The following ZNF16 variants were observed in gnomAD, a reference collection of about 807,000 sequenced individuals.
ZNF16 encodes the protein zinc finger protein KOX9.
A neutral mutation model predicts 9.0 loss-of-function variants in ZNF16; 7 were observed. That is an observed-to-expected ratio of 0.78 (90% CI 0.44 to 1.47). The LOEUF (loss-of-function observed/expected upper bound fraction) is 1.47, where lower values mean the gene tolerates loss of function less well. Ranked by LOEUF, ZNF16 falls within the 40% of genes most tolerant of loss-of-function variation. The probability of loss-of-function intolerance (pLI) is 0.01; values close to 1 mark genes in which losing one functional copy is unlikely to be tolerated. For synonymous variants in ZNF16, 312 were observed against 301.5 expected (o/e 1.03, Z -0.36); for missense variants, 830 against 854.2 (o/e 0.97, Z 0.35).
In ZNF16 at chr8:144,931,971, T is replaced by C. The variant is rs1472665087; in HGVS notation, c.816A>G (p.Lys272=). The change falls in exon 3 of 3, where the codon AAA becomes AAG. Residue 272 remains lysine, a synonymous_variant. Transcript: ENST00000394909. ...EKAYQCSECG[K]AFRGHSDFSR... Reference sequence around the variant, plus strand: ...AAAAGTCTGAGTGCCCTCGGAAGGCTTTCCCACATTCGCTGCACTGGTAAG... The same window carrying C: ...AAAAGTCTGAGTGCCCTCGGAAGGCCTTCCCACATTCGCTGCACTGGTAAG... 3 of 1,613,776 alleles carry C rather than the reference T, an allele frequency of 1.9e-6. No individual in the cohort carries two copies. The highest frequency in any genetic ancestry group is 2.5e-6 in the Non-Finnish European group (3 of 1,179,708).
At chr8:144,950,715 G>A (rs1164643034) in intron 1 of ZNF16, 82 bp downstream of exon 1, 4 of 151,868 alleles carry the variant, frequency 2.6e-5, no homozygotes, top group Non-Finnish European at 5.9e-5. Flanking sequence ...TGAGCCCTGA[G>A]AGGCCCCTGG....
In ZNF16 at chr8:144,931,238, A is replaced by T. The variant is rs754202727; in HGVS notation, c.1549T>A (p.Tyr517Asn). The part of the protein sequence containing the change: ...HQGVHTGDKP[Y>N]ACHECGKTFG... Reference sequence around the variant, plus strand: ...GTCTTCCCACACTCGTGGCAGGCGTAGGGCTTGTCGCCTGTGTGCACGCCC... The same window carrying T: ...GTCTTCCCACACTCGTGGCAGGCGTTGGGCTTGTCGCCTGTGTGCACGCCC... Residue 517 changes from tyrosine to asparagine, a missense_variant, in exon 3 of 3, where the codon TAC (tyrosine) becomes AAC (asparagine). By Grantham distance (143) the Tyr-to-Asn change is moderately radical. Coordinates refer to ENST00000394909, the MANE Select transcript of ZNF16 (RefSeq NM_006958.3). The T allele has an allele frequency of 6.2e-7, 1 of 1,613,612 alleles. No individual in the cohort carries two copies. Among genetic ancestry groups the T allele is most frequent in the Non-Finnish European group, 8.5e-7 (1 of 1,179,954 alleles).
chr8:144,931,457 G>A lies in ZNF16; in HGVS notation c.1330C>T (p.Gln444Ter). 4 of 1,614,110 alleles carry A rather than the reference G, an allele frequency of 2.5e-6. No individual in the cohort carries two copies. The highest frequency in any genetic ancestry group is 3.4e-6 in the Non-Finnish European group (4 of 1,180,014). Residue 444 changes from glutamine to a stop codon, truncating the protein, a stop_gained, in exon 3 of 3, where the codon CAG (glutamine) becomes TAG (stop). Coordinates refer to ENST00000394909, the MANE Select transcript of ZNF16 (RefSeq NM_006958.3). LOFTEE classifies it low-confidence loss of function (END_TRUNC). ...KCSDCGKAFS[Q>*]SSSLIQHRRI... is the part of the protein sequence containing the mutation. ...CGATGCTGAATAAGGCTGGAGCTCTGACTAAATGCTTTCCCACAGTCACTG... is the reference window on the plus strand; with the variant it reads ...CGATGCTGAATAAGGCTGGAGCTCTAACTAAATGCTTTCCCACAGTCACTG...
intron 2 of ZNF16, among the ~76,000 whole-genome samples, chr8:144,941,172 G>A (rs548276084): frequency 1.3e-5 from 2 of 152,302 alleles, no homozygotes; most frequent in South Asian, 4.1e-4. Context: ...GTGGAGTACT[G>A]AAGTCTCTAT....
intron 1 of ZNF16, among the ~76,000 whole-genome samples, chr8:144,948,836 C>G (rs147479989): frequency 6.6e-6 from 1 of 152,202 alleles, no homozygotes; most frequent in East Asian, 1.9e-4. Context: ...AGGTCCATAT[C>G]CTAATCCCTG....
rs1262212581 is a variant in ZNF16, at chr8:144,931,277, G to A, written c.1510C>T (p.Leu504Phe). Residue 504 changes from leucine to phenylalanine, a missense_variant, in exon 3 of 3, where the codon CTC becomes TTC. By Grantham distance (22) the Leu-to-Phe change is conservative. Coordinates refer to ENST00000394909, the MANE Select transcript of ZNF16 (RefSeq NM_006958.3). Reference sequence around the variant, plus strand: ...GTGTGCACGCCCTGGTGCTGAATGAGGGCTGAGCTGTGGCTGAAGGCCTTC... The same window carrying A: ...GTGTGCACGCCCTGGTGCTGAATGAAGGCTGAGCTGTGGCTGAAGGCCTTC... The part of the protein sequence containing the change: ...CGKAFSHSSA[L>F]IQHQGVHTGD... The A allele has an allele frequency of 6.2e-7, 1 of 1,614,112 alleles. No homozygotes were observed. Among genetic ancestry groups the A allele is most frequent in the Non-Finnish European group, 8.5e-7 (1 of 1,180,024 alleles).
chr8:144,946,612 TTGTGTCCTGCTGTTGGGCC>T (rs1364758771), intron 1 of ZNF16, among the ~76,000 whole-genome samples: 4 of 86,160 alleles, frequency 4.6e-5, no homozygotes, highest in East Asian at 4.3e-4. Context: ...GCTGTTGGGC[TTGTGTCCTGCTGTTGGGCC>T]TGTGTCCTGC....
intron 2 of ZNF16, among the ~76,000 whole-genome samples, chr8:144,942,168 C>CG (rs1833816358): frequency 6.9e-6 from 1 of 144,800 alleles, no homozygotes; most frequent in South Asian, 2.2e-4. Context: ...TTAGTAGAGA[C>CG]GGGGTTTCAC....
At chr8:144,936,312 C>T (rs1417740791) in intron 2 of ZNF16, among the ~76,000 whole-genome samples, 1 of 152,194 alleles carries the variant, frequency 6.6e-6, no homozygotes, top group Non-Finnish European at 1.5e-5. Flanking sequence ...ATCATTCATC[C>T]ATTGACAGAC....
At chr8:144,937,918 T>C (rs1427591988) in intron 2 of ZNF16, among the ~76,000 whole-genome samples, 5 of 152,174 alleles carry the variant, frequency 3.3e-5, no homozygotes, top group Admixed American at 3.3e-4. Context: ...TCCTCTCACC[T>C]TGGACTCCCA....
intron 1 of ZNF16, chr8:144,948,566 T>G (rs1472001218): frequency 6.6e-6 from 1 of 152,216 alleles, no homozygotes; most frequent in African/African-American, 2.4e-5. Context: ...TGTTTCTGAA[T>G]AGGGGCATAG....
At chr8:144,942,872 G>A (rs1833838531) in intron 2 of ZNF16, among the ~76,000 whole-genome samples, 3 of 152,186 alleles carry the variant, frequency 2.0e-5, no homozygotes, top group African/African-American at 4.8e-5. Flanking sequence ...AATACAAAGT[G>A]TACTTAGAAA....
chr8:144,946,975 CCTGTGTCCTGCTGTGGGG>C (rs1833965996), intron 1 of ZNF16, among the ~76,000 whole-genome samples: 4 of 98,562 alleles, frequency 4.1e-5, no homozygotes, highest in Non-Finnish European at 5.7e-5. Context: ...CTGCTGTGGG[CCTGTGTCCTGCTGTGGGG>C]CTGTGTCCTG....
intron 1 of ZNF16, 114 bp from the exon 2 acceptor site, chr8:144,946,329 G>T: frequency 2.0e-6 from 2 of 1,004,592 alleles, no homozygotes; most frequent in South Asian, 2.7e-5. Flanking sequence ...CCTGAAGAGG[G>T]CCTGGTGCTG....
In ZNF16 at chr8:144,932,451, A is replaced by G. The variant is rs1833579858; in HGVS notation, c.336T>C (p.Asp112=). 2 of 1,614,212 alleles carry G rather than the reference A, an allele frequency of 1.2e-6. No individual in the cohort carries two copies. The highest frequency in any genetic ancestry group is 8.5e-7 in the Non-Finnish European group (1 of 1,180,044). Residue 112 remains aspartate, a synonymous_variant, in exon 3 of 3, where the codon GAT becomes GAC. Transcript: ENST00000394909. This position sits in a 1 kb window ranked among gnomAD's most constrained non-coding sequence, Gnocchi z 5.0. ...QVPELGDLCD[D]VSERDWGVPE... is the part of the protein sequence containing the mutation. Reference sequence around the variant, plus strand: ...GGACTCCCCAGTCTCTTTCTGATACATCATCACACAGATCTCCAAGCTCGG... The same window carrying G: ...GGACTCCCCAGTCTCTTTCTGATACGTCATCACACAGATCTCCAAGCTCGG...
chr8:144,937,825 GC>G (rs1419204124), intron 2 of ZNF16, among the ~76,000 whole-genome samples: 1 of 137,634 alleles, frequency 7.3e-6, no homozygotes, highest in Non-Finnish European at 1.6e-5. Flanking sequence ...AACACAACTG[GC>G]TATTTTTTTT....
At chr8:144,946,493 T>C (rs1337910933) in intron 1 of ZNF16, among the ~76,000 whole-genome samples, 2 of 151,598 alleles carry the variant, frequency 1.3e-5, no homozygotes, top group Non-Finnish European at 2.9e-5. Context: ...AGACCTGCCA[T>C]GATAGGAGGG....
chr8:144,931,055 A>C lies in ZNF16; in HGVS notation c.1732T>G (p.Cys578Gly). ...NGLKPHECNQ[C>G]GKAFNRSSNL... The stretch of plus-strand genomic sequence containing the variant: ...GAGCTTCGGTTGAAGGCTTTACCAC[A>C]CTGGTTACATTCATGGGGCTTCAGC... Residue 578 changes from cysteine to glycine, a missense_variant, in exon 3 of 3, where the codon TGT becomes GGT. Transcript: ENST00000394909. The C allele has an allele frequency of 6.2e-7, 1 of 1,614,208 alleles. No homozygotes were observed. Among genetic ancestry groups the C allele is most frequent in the African/African-American group, 1.3e-5 (1 of 75,058 alleles).
rs58306145 is a variant in ZNF16 at position 144,937,143 on chromosome 8, CTTTT to C, written c.197-4557_197-4554del. ...TGCTTTTTTCACTTTCTTTCTCTCT[CTTTT>C]TTTTTTTTTTTTTTTTTGAGACAGA... On this transcript the variant is annotated intron_variant, in intron 2 of 2. Coordinates refer to ENST00000394909, the MANE Select transcript of ZNF16 (RefSeq NM_006958.3). Among the ~76,000 whole-genome samples the C allele has an allele frequency of 9.0e-5, 10 of 110,966 alleles. 1 individual carries two copies. In the South Asian group the frequency reaches 1.3e-3, roughly 15 times the overall value. The allele number at this position is 110,966 out of a possible 152,430, so 72.8% of individuals were successfully genotyped here. A position where few individuals can be genotyped will look rare whatever the true frequency, so the allele number is the denominator to read the frequency against.
Sources: gnomAD v4.1 joint callset for allele counts (sites outside exome capture counted in the v4.1 genomes callset) on GRCh38, gnomAD v4.1.1 for gene constraint, Gnocchi (gnomAD v3.1) non-coding constraint, MANE v1.5 for transcripts, NCBI Gene and HGNC (gene_info 2026-07-23, HGNC 2026-07-21) for gene names.